The following EGFR variants were observed in gnomAD, a reference collection of about 807,000 sequenced individuals.
EGFR encodes the protein epidermal growth factor receptor.
EGFR carries 58 observed loss-of-function variants against 143.0 expected under a neutral mutation model. The observed-to-expected ratio is 0.41, with a 90% CI of 0.33 to 0.50. The LOEUF (loss-of-function observed/expected upper bound fraction) is 0.50, where lower values mean the gene tolerates loss of function less well. EGFR is among the 20% of genes least tolerant of loss of function. The pLI is 0.39. For synonymous variants in EGFR, 613 were observed against 594.4 expected, an observed-to-expected ratio of 1.03 and a Z score of -0.45; for missense variants, 1,307 against 1,579.0, an observed-to-expected ratio of 0.83 and a Z score of 2.92.
At chr7:55,131,975 T>A (rs528372041) in intron 1 of EGFR, among the ~76,000 whole-genome samples, 1 of 150,660 alleles carries the variant, frequency 6.6e-6, no homozygotes, top group Non-Finnish European at 1.5e-5. Context: ...ACTGGTGCAC[T>A]GACCTGCTCC....
At chr7:55,130,708 C>G (rs554530489) in intron 1 of EGFR, among the ~76,000 whole-genome samples, 1 of 152,330 alleles carries the variant, frequency 6.6e-6, no homozygotes, top group East Asian at 1.9e-4. Flanking sequence ...GAGGGTCAGG[C>G]GAGGCCCTTT....
intron 1 of EGFR, among the ~76,000 whole-genome samples, chr7:55,102,032 C>T (rs183164501): frequency 1.2e-3 from 186 of 152,278 alleles, no homozygotes; most frequent in African/African-American, 4.2e-3. Flanking sequence ...CAGTTTCCAT[C>T]AAACTTGTCA....
chr7:55,056,171 C>T (rs901122660), intron 1 of EGFR, among the ~76,000 whole-genome samples: 2 of 152,068 alleles, frequency 1.3e-5, no homozygotes, highest in Non-Finnish European at 2.9e-5. Flanking sequence ...GATTCTGCAG[C>T]AATTTTGGTG....
chr7:55,138,846 G>A (rs143299107), intron 1 of EGFR, among the ~76,000 whole-genome samples: 239 of 152,322 alleles, frequency 1.6e-3, no homozygotes, highest in Middle Eastern at 3.4e-3. Context: ...CCAAGAGCAT[G>A]GCATTGGCAT....
intron 6 of EGFR, 117 bp downstream of exon 6, chr7:55,152,781 C>A: frequency 1.2e-6 from 1 of 811,608 alleles, no homozygotes; most frequent in Non-Finnish European, 2.0e-6. Flanking sequence ...TCATAACAGA[C>A]AGGATATTGC....
chr7:55,159,579 T>C (rs1785597158), intron 11 of EGFR, among the ~76,000 whole-genome samples: 1 of 152,210 alleles, frequency 6.6e-6, no homozygotes, highest in Non-Finnish European at 1.5e-5. Context: ...AGGCCCCTGC[T>C]CTTTGCTTCC....
rs1395658814 is a variant in EGFR at position 55,171,338 on chromosome 7, A to G, written c.1919+125A>G. 2.2e-6 allele frequency: 3 copies of G among 1,365,994 alleles called. No homozygotes were observed. In the African/African-American group the frequency reaches 4.3e-5, roughly 19 times the overall value. The allele number at this position is 1,365,994 out of a possible 1,614,324, so 84.6% of individuals were successfully genotyped here. A position where few individuals can be genotyped will look rare whatever the true frequency, so the allele number is the denominator to read the frequency against. ...GATCAAGTTTCTATGGCTCTGGGCC[A>G]GCCTACCCTCAGCCAGGGTTTCTGC... On this transcript the variant is annotated intron_variant, in intron 16 of 27. Transcript: ENST00000275493.
At chr7:55,148,646 TATA>T (rs768678684) in intron 4 of EGFR, among the ~76,000 whole-genome samples, 13 of 152,320 alleles carry the variant, frequency 8.5e-5, no homozygotes, top group Middle Eastern at 3.4e-3. Flanking sequence ...GTGAGAGAAC[TATA>T]AAGGGTTTTT....
At chr7:55,126,716 T>C (rs759255444) in intron 1 of EGFR, among the ~76,000 whole-genome samples, 5 of 152,232 alleles carry the variant, frequency 3.3e-5, no homozygotes, top group African/African-American at 7.2e-5. Flanking sequence ...ATAGTTTCCT[T>C]ATTAGGTTGA....
At chr7:55,041,453 G>T (rs928091590) in intron 1 of EGFR, among the ~76,000 whole-genome samples, 4 of 151,994 alleles carry the variant, frequency 2.6e-5, no homozygotes, top group Non-Finnish European at 4.4e-5. Context: ...AACGTGGAGT[G>T]AGCCCAAGGT....
chr7:55,135,709 T>C (rs1794097348), intron 1 of EGFR, among the ~76,000 whole-genome samples: 1 of 152,228 alleles, frequency 6.6e-6, no homozygotes, highest in Admixed American at 6.5e-5. Context: ...TTTCCATTAT[T>C]ACAAACTATT....
At chr7:55,192,718 G>C in intron 21 of EGFR, 48 bp from the exon 22 acceptor site, 1 of 1,561,404 alleles carries the variant, frequency 6.4e-7, no homozygotes, top group East Asian at 2.2e-5. Flanking sequence ...TTTTCCAACA[G>C]AGGGAAACTA....
chr7:55,171,161 T>C lies in EGFR; in HGVS notation c.1881-14T>C. 6.2e-7 allele frequency: 1 copy of C among 1,614,178 alleles called. No homozygotes were observed. Among genetic ancestry groups the C allele is most frequent in the Non-Finnish European group, 8.5e-7 (1 of 1,180,034 alleles). Reference sequence around the variant, plus strand: ...GAATGAGAAAAATGTATATTTCTCTTTCACTTCCTACAGATGCACTGGGCC... The same window carrying C: ...GAATGAGAAAAATGTATATTTCTCTCTCACTTCCTACAGATGCACTGGGCC... On this transcript the variant is annotated splice_polypyrimidine_tract_variant and intron_variant, in intron 15 of 27. Coordinates refer to ENST00000275493, the MANE Select transcript of EGFR (RefSeq NM_005228.5).
chr7:55,152,955 G>A (rs908060489), intron 6 of EGFR, among the ~76,000 whole-genome samples: 18 of 152,340 alleles, frequency 1.2e-4, no homozygotes, highest in South Asian at 2.1e-4. Flanking sequence ...TGTGATGTCC[G>A]TCATTAGGAC....
rs1186300611 is a variant in EGFR at position 55,192,858 on chromosome 7, A to T, written c.2701+17A>T. ...GGAGCTACGGTGAGTCATAATCCTG[A>T]TGCTAATGAGTTTGTACTGAGGCCA... On this transcript the variant is annotated intron_variant, in intron 22 of 27. Coordinates refer to ENST00000275493, the MANE Select transcript of EGFR (RefSeq NM_005228.5). The T allele has an allele frequency of 6.2e-7, 1 of 1,613,040 alleles. No homozygotes were observed. Among genetic ancestry groups the T allele is most frequent in the Middle Eastern group, 1.7e-4 (1 of 6,060 alleles).
chr7:55,177,900 C>T (rs1299167537), intron 19 of EGFR, among the ~76,000 whole-genome samples: 2 of 152,240 alleles, frequency 1.3e-5, no homozygotes, highest in African/African-American at 2.4e-5. Flanking sequence ...GAACAAAGCT[C>T]GCTTTAGCTT....
At chr7:55,086,705 CT>C (rs1790782145) in intron 1 of EGFR, among the ~76,000 whole-genome samples, 1 of 152,228 alleles carries the variant, frequency 6.6e-6, no homozygotes, top group Non-Finnish European at 1.5e-5. Context: ...AGGCGGCACA[CT>C]TGGGTGGCAG....
chr7:55,052,031 T>G (rs555594816), intron 1 of EGFR, among the ~76,000 whole-genome samples: 7 of 152,302 alleles, frequency 4.6e-5, no homozygotes, highest in African/African-American at 1.7e-4. Context: ...AGTCCAGAAC[T>G]GTATAGCAGT....
chr7:55,037,946 C>T (rs1562658639), intron 1 of EGFR, among the ~76,000 whole-genome samples: 2 of 152,210 alleles, frequency 1.3e-5, no homozygotes, highest in Non-Finnish European at 1.5e-5. Flanking sequence ...CGATTCCACT[C>T]CAGCATTTCC....
Sources: allele counts gnomAD v4.1 joint callset (sites outside exome capture counted in the v4.1 genomes callset), GRCh38; gene constraint gnomAD v4.1.1; transcripts MANE v1.5; gene names NCBI Gene and HGNC (gene_info 2026-07-23, HGNC 2026-07-21).